Variants in PIEZO2 observed in about 807,000 individuals in gnomAD.
The protein encoded by PIEZO2 is piezo-type mechanosensitive ion channel component 2.
A neutral mutation model predicts 337.3 loss-of-function variants in PIEZO2; 172 were observed. That is an observed-to-expected ratio of 0.51 (90% CI 0.45 to 0.58). The LOEUF (loss-of-function observed/expected upper bound fraction) is 0.58. Ranked by LOEUF, PIEZO2 falls within the 20% of genes least tolerant of loss-of-function variation. The probability of loss-of-function intolerance (pLI) is 0.00; values close to 1 mark genes in which losing one functional copy is unlikely to be tolerated. For synonymous variants in PIEZO2, 1,251 were observed against 1,228.5 expected, an observed-to-expected ratio of 1.02 and a Z score of -0.38; for missense variants, 3,028 against 3,391.3, an observed-to-expected ratio of 0.89 and a Z score of 2.66.
chr18:10,959,322 C>T (rs2033668625), intron 3 of PIEZO2, among the ~76,000 whole-genome samples: 1 of 152,138 alleles, frequency 6.6e-6, no homozygotes, highest in African/African-American at 2.4e-5. Context: ...TCAAAAACTT[C>T]ACATTCTTTC....
At chr18:10,696,332 T>C (rs1352226247) in intron 46 of PIEZO2, 44 bp from the exon 47 acceptor site, 6 of 1,613,850 alleles carry the variant, frequency 3.7e-6, no homozygotes, top group Middle Eastern at 1.6e-4. Context: ...AGGCAATTCA[T>C]GGCAGGAAGC....
intron 3 of PIEZO2, among the ~76,000 whole-genome samples, chr18:10,956,685 T>C (rs950340597): frequency 6.6e-6 from 1 of 152,148 alleles, no homozygotes; most frequent in East Asian, 1.9e-4. Context: ...AAAAACAACA[T>C]CCAGGCCAGG....
chr18:10,805,527 A>G (rs1321768225), intron 8 of PIEZO2, among the ~76,000 whole-genome samples: 3 of 152,188 alleles, frequency 2.0e-5, no homozygotes, highest in Admixed American at 1.3e-4. Context: ...AAAAAAATAT[A>G]TATGTATATT....
chr18:10,776,630 AG>A (rs1436327102), intron 18 of PIEZO2, among the ~76,000 whole-genome samples: 1 of 152,216 alleles, frequency 6.6e-6, no homozygotes. Context: ...CAATGGTCTC[AG>A]GGTTCTGTTT....
intron 2 of PIEZO2, among the ~76,000 whole-genome samples, chr18:11,052,595 G>A (rs922183200): frequency 2.0e-5 from 3 of 152,112 alleles, no homozygotes; most frequent in Admixed American, 6.5e-5. Context: ...GGCTTTCTAA[G>A]ATTGCTACAT....
rs375808835 is a variant in PIEZO2, at chr18:10,834,348, G to A, written c.917+21005C>T. 2.0e-5 allele frequency among the ~76,000 whole-genome samples: 3 copies of A among 152,170 alleles called. No homozygotes were observed. Among genetic ancestry groups the A allele is most frequent in the East Asian group, 3.9e-4 (2 of 5,190 alleles). On this transcript the variant is annotated intron_variant, in intron 7 of 55. Transcript: ENST00000674853. This position sits in a 1 kb window ranked among gnomAD's most constrained non-coding sequence, Gnocchi z 4.5. ...CTGTCTTTAGAATGGGCATAATAAA[G>A]TAGACCACACCTTATGGAGTTGTTG...
At chr18:11,074,249 C>T (rs968286190) in intron 1 of PIEZO2, among the ~76,000 whole-genome samples, 4 of 152,144 alleles carry the variant, frequency 2.6e-5, no homozygotes, top group African/African-American at 9.7e-5. Context: ...ATTCTCGCTG[C>T]ACAATGTCCC....
At chr18:10,995,869 C>T (rs772367742) in intron 2 of PIEZO2, among the ~76,000 whole-genome samples, 21 of 152,078 alleles carry the variant, frequency 1.4e-4, no homozygotes, top group Non-Finnish European at 2.1e-4. Flanking sequence ...GGGCATACTG[C>T]TCACATGAAT....
intron 7 of PIEZO2, among the ~76,000 whole-genome samples, chr18:10,816,554 G>T (rs1420423731): frequency 1.3e-5 from 2 of 152,020 alleles, no homozygotes; most frequent in East Asian, 3.9e-4. Context: ...ATAAACAAAA[G>T]TTCATCAGAA....
At chr18:10,715,053 C>A in intron 38 of PIEZO2, 123 bp from the exon 39 acceptor site, 1 of 955,938 alleles carries the variant, frequency 1.0e-6, no homozygotes, top group Non-Finnish European at 1.5e-6. Context: ...TAGGACCATG[C>A]TAGGCAAGTG....
intron 49 of PIEZO2, among the ~76,000 whole-genome samples, chr18:10,687,053 A>T (rs1199770769): frequency 5.3e-5 from 8 of 152,132 alleles, no homozygotes; most frequent in Admixed American, 5.2e-4. Flanking sequence ...GAGGCTCTCA[A>T]AGTATCACGT....
chr18:10,977,758 A>G (rs1362640870), intron 3 of PIEZO2, among the ~76,000 whole-genome samples: 1 of 152,244 alleles, frequency 6.6e-6, no homozygotes, highest in Non-Finnish European at 1.5e-5. Flanking sequence ...AAGTATTGAT[A>G]CATGCTACAA....
rs2040257071 is a variant in PIEZO2, at chr18:11,128,705, A to G, written c.64+19820T>C. On this transcript the variant is annotated intron_variant, in intron 1 of 55. Coordinates refer to ENST00000674853, the MANE Select transcript of PIEZO2 (RefSeq NM_001378183.1). The surrounding 1 kb of genome is among the most constrained non-coding windows in gnomAD (Gnocchi z 4.1). The stretch of plus-strand genomic sequence containing the variant: ...ATTCTCCTCAGAAGCCTCCCCCAAC[A>G]CCTCTGTTTGCTTCTAGACCTATAA... 6.6e-6 allele frequency among the ~76,000 whole-genome samples: 1 copy of G among 151,690 alleles called. No individual in the cohort carries two copies. Among genetic ancestry groups the G allele is most frequent in the Non-Finnish European group, 1.5e-5 (1 of 67,964 alleles).
At chr18:11,000,783 C>T (rs1000821878) in intron 2 of PIEZO2, among the ~76,000 whole-genome samples, 1 of 152,078 alleles carries the variant, frequency 6.6e-6, no homozygotes, top group Non-Finnish European at 1.5e-5. Flanking sequence ...GGGTGGCTCC[C>T]GGCAGGGACA....
chr18:10,947,965 A>T (rs1326787449), intron 3 of PIEZO2, among the ~76,000 whole-genome samples: 2 of 152,076 alleles, frequency 1.3e-5, no homozygotes, highest in African/African-American at 2.4e-5. Context: ...AACAATTAAA[A>T]TAAAAATGAA....
At chr18:10,680,966 A>G (rs1323227973) in intron 51 of PIEZO2, among the ~76,000 whole-genome samples, 1 of 152,264 alleles carries the variant, frequency 6.6e-6, no homozygotes, top group Admixed American at 6.5e-5. Flanking sequence ...TTCTGCTACC[A>G]GAACATAATT....
intron 33 of PIEZO2, chr18:10,738,061 T>C (rs929436043): frequency 2.0e-5 from 3 of 152,208 alleles, no homozygotes; most frequent in African/African-American, 7.2e-5. Context: ...CATTCGTTAT[T>C]TTCATTTTGA....
At chr18:10,843,067 G>A (rs919586007) in intron 7 of PIEZO2, among the ~76,000 whole-genome samples, 4 of 152,178 alleles carry the variant, frequency 2.6e-5, no homozygotes, top group Admixed American at 6.5e-5. Flanking sequence ...AAGTAGTTAT[G>A]AGGCAATATA....
rs1467345108 is a variant in PIEZO2 at position 10,850,602 on chromosome 18, C to A, written c.917+4751G>T. On this transcript the variant is annotated intron_variant, in intron 7 of 55. Coordinates refer to ENST00000674853, the MANE Select transcript of PIEZO2 (RefSeq NM_001378183.1). The surrounding 1 kb of genome is among the most constrained non-coding windows in gnomAD (Gnocchi z 4.5). Reference sequence around the variant, plus strand: ...TTAAAACTCAGGGGTTGACTAAATTCTAATATAGCTACACAATCACTTTGC... The same window carrying A: ...TTAAAACTCAGGGGTTGACTAAATTATAATATAGCTACACAATCACTTTGC... Among the ~76,000 whole-genome samples, 1 of 152,148 alleles carries A rather than the reference C, an allele frequency of 6.6e-6. No homozygotes were observed. Among genetic ancestry groups the A allele is most frequent in the African/African-American group, 2.4e-5 (1 of 41,438 alleles).
Sources: gnomAD v4.1 joint callset for allele counts (sites outside exome capture counted in the v4.1 genomes callset) on GRCh38, gnomAD v4.1.1 for gene constraint, Gnocchi (gnomAD v3.1) non-coding constraint, MANE v1.5 for transcripts, NCBI Gene and HGNC (gene_info 2026-07-23, HGNC 2026-07-21) for gene names.